SPMIP4: variants seen among roughly 807,000 people sequenced by gnomAD.
SPMIP4 encodes the protein sperm microtubule inner protein 4.
At chr7:25,130,375 C>T in the SPMIP4 span, among the ~76,000 whole-genome samples, 16 of 146,868 alleles carry the variant, frequency 1.1e-4, no homozygotes, top group African/African-American at 2.6e-4. Context: ...TACAATTGCG[C>T]GATCTCGGCT....
At chr7:25,164,381 A>G in the SPMIP4 span, among the ~76,000 whole-genome samples, 2 of 152,212 alleles carry the variant, frequency 1.3e-5, no homozygotes, top group East Asian at 1.9e-4. Context: ...ATATTACACA[A>G]TGATGGGGGA....
At chr7:25,131,950 C>T in the SPMIP4 span, among the ~76,000 whole-genome samples, 7 of 152,170 alleles carry the variant, frequency 4.6e-5, no homozygotes, top group South Asian at 4.1e-4. This position sits in a 1 kb window ranked among gnomAD's most constrained non-coding sequence, Gnocchi z 4.2. Flanking sequence ...GGGTCTGCGA[C>T]GGCGGCAAAC....
At chr7:25,161,075 A>G in the SPMIP4 span, 4 of 596,930 alleles carry the variant, frequency 6.7e-6, no homozygotes, top group Non-Finnish European at 1.2e-5. Flanking sequence ...TTTAAAAAAG[A>G]AATAATTTGT....
the SPMIP4 span, among the ~76,000 whole-genome samples, chr7:25,161,891 T>C: frequency 3.7e-4 from 57 of 152,274 alleles, no homozygotes; most frequent in African/African-American, 1.2e-3. Context: ...TATAGGAATA[T>C]GCTTTTTCTT....
chr7:25,178,599 G>T, the SPMIP4 span, among the ~76,000 whole-genome samples: 1 of 152,264 alleles, frequency 6.6e-6, no homozygotes, highest in Admixed American at 6.5e-5. Flanking sequence ...CCCAATGAAG[G>T]AACGGACCAT....
the SPMIP4 span, among the ~76,000 whole-genome samples, chr7:25,178,776 C>T: frequency 1.5e-3 from 230 of 152,286 alleles, no homozygotes; most frequent in African/African-American, 5.3e-3. Context: ...GCAGTGGTCA[C>T]GCCTGTAATC....
chr7:25,172,288 T>A, the SPMIP4 span, among the ~76,000 whole-genome samples: 1 of 152,074 alleles, frequency 6.6e-6, no homozygotes, highest in Non-Finnish European at 1.5e-5. The surrounding 1 kb of genome is among the most constrained non-coding windows in gnomAD (Gnocchi z 4.2). Context: ...GAAACTTGTT[T>A]GTTTGCTCTT....
the SPMIP4 span, among the ~76,000 whole-genome samples, chr7:25,160,464 A>G: frequency 6.6e-6 from 1 of 151,946 alleles, no homozygotes; most frequent in African/African-American, 2.4e-5. Context: ...ACGCCCAGCT[A>G]ATTTTTATAT....
At chr7:25,180,135 G>C in the SPMIP4 span, 1 of 152,378 alleles carries the variant, frequency 6.6e-6, no homozygotes, top group Non-Finnish European at 1.5e-5. Context: ...AGGCCGGGGT[G>C]GGGTGGGGCT....
chr7:25,161,092 A>G, the SPMIP4 span: 1 of 648,166 alleles, frequency 1.5e-6, no homozygotes, highest in Non-Finnish European at 2.6e-6. Flanking sequence ...TTGTTTCTCT[A>G]AAAGTCCCCA....
chr7:25,179,087 A>T, the SPMIP4 span: 9 of 1,351,042 alleles, frequency 6.7e-6, no homozygotes, highest in Non-Finnish European at 9.0e-6. Flanking sequence ...AGAGCCCCAG[A>T]ACAATAAATG....
the SPMIP4 span, among the ~76,000 whole-genome samples, chr7:25,129,336 T>C: frequency 2.0e-5 from 3 of 152,226 alleles, no homozygotes; most frequent in African/African-American, 7.2e-5. Context: ...GACTCCTCTC[T>C]AGCTAGGGCT....
chr7:25,146,726 C>T, the SPMIP4 span, among the ~76,000 whole-genome samples: 2 of 152,154 alleles, frequency 1.3e-5, no homozygotes, highest in African/African-American at 4.8e-5. Context: ...TTGCAGAAAG[C>T]TGGGTTGTAA....
At chr7:25,135,235 C>T in the SPMIP4 span, 1 of 719,906 alleles carries the variant, frequency 1.4e-6, no homozygotes, top group Non-Finnish European at 1.7e-6. Context: ...TAGAACTCAC[C>T]AGTTGCTAAT....
the SPMIP4 span, among the ~76,000 whole-genome samples, chr7:25,126,588 C>T: frequency 2.0e-5 from 3 of 152,190 alleles, no homozygotes; most frequent in Non-Finnish European, 4.4e-5. Flanking sequence ...ACTTCACTCT[C>T]CCCACTTTTA....
the SPMIP4 span, among the ~76,000 whole-genome samples, chr7:25,140,467 A>T: frequency 2.0e-5 from 3 of 151,922 alleles, no homozygotes; most frequent in African/African-American, 7.3e-5. Context: ...ATGCCCGGTT[A>T]ATTTTTGTAT....
At chr7:25,132,617 G>A in the SPMIP4 span, among the ~76,000 whole-genome samples, 1 of 152,156 alleles carries the variant, frequency 6.6e-6, no homozygotes, top group African/African-American at 2.4e-5. This position sits in a 1 kb window ranked among gnomAD's most constrained non-coding sequence, Gnocchi z 5.0. Context: ...TTCAGGGGAG[G>A]AGACAGGAAA....
At chr7:25,138,401 A>G in the SPMIP4 span, among the ~76,000 whole-genome samples, 2 of 152,132 alleles carry the variant, frequency 1.3e-5, no homozygotes, top group African/African-American at 4.8e-5. This position sits in a 1 kb window ranked among gnomAD's most constrained non-coding sequence, Gnocchi z 6.2. Context: ...GAGTTCTTTT[A>G]TTTTCTTTTT....
chr7:25,158,368 CAA>C, the SPMIP4 span: 8,321 of 296,412 alleles, frequency 0.028, no homozygotes, highest in East Asian at 0.05. Context: ...GACTCTGTCT[CAA>C]AAAAAAAAAA....
Sources: gnomAD v4.1 joint callset for allele counts (sites outside exome capture counted in the v4.1 genomes callset) on GRCh38, gnomAD v4.1.1 for gene constraint, Gnocchi (gnomAD v3.1) non-coding constraint, MANE v1.5 for transcripts, NCBI Gene and HGNC (gene_info 2026-07-23, HGNC 2026-07-21) for gene names.